CSGALNACT1: variants seen among roughly 807,000 people sequenced by gnomAD.
CSGALNACT1 encodes the protein beta4GalNAcT-1.
CSGALNACT1 carries 52 observed loss-of-function variants against 51.0 expected under a neutral mutation model. That is an observed-to-expected ratio of 1.02 (90% CI 0.82 to 1.29). The LOEUF (loss-of-function observed/expected upper bound fraction) is 1.29, where lower values mean the gene tolerates loss of function less well. CSGALNACT1 is among the 50% of genes most tolerant of loss of function. CSGALNACT1 has a pLI of 0.00. For missense variants in CSGALNACT1, 935 were observed against 679.2 expected, an observed-to-expected ratio of 1.38 and a Z score of -4.19; for synonymous variants, 341 against 254.4, an observed-to-expected ratio of 1.34 and a Z score of -3.24.
At chr8:19,676,083 T>TAAAAAAAAAAAAAAAAAAA (rs1564404826) in intron 1 of CSGALNACT1, among the ~76,000 whole-genome samples, 10 of 59,158 alleles carry the variant, frequency 1.7e-4, no homozygotes, top group African/African-American at 3.7e-4. Flanking sequence ...GTTGTCTGAT[T>TAAAAAAAAAAAAAAAAAAA]TAAAAAACAA....
chr8:19,533,992 T>G (rs2083279693), intron 3 of CSGALNACT1, among the ~76,000 whole-genome samples: 1 of 152,104 alleles, frequency 6.6e-6, no homozygotes, highest in African/African-American at 2.4e-5. Context: ...CCATGCCAAA[T>G]CAATTGTTCT....
chr8:19,426,126 C>G (rs553906298), intron 6 of CSGALNACT1, among the ~76,000 whole-genome samples: 2 of 152,180 alleles, frequency 1.3e-5, no homozygotes, highest in Non-Finnish European at 2.9e-5. Context: ...ACGGCACACA[C>G]GGGGTGACCA....
chr8:19,733,975 C>T (rs1265375534), intron 1 of CSGALNACT1, among the ~76,000 whole-genome samples: 1 of 152,088 alleles, frequency 6.6e-6, no homozygotes, highest in Non-Finnish European at 1.5e-5. Context: ...AGAAGTGTAC[C>T]CAGCTGCTTC....
At chr8:19,496,442 G>C (rs761181981) in intron 4 of CSGALNACT1, among the ~76,000 whole-genome samples, 1 of 152,182 alleles carries the variant, frequency 6.6e-6, no homozygotes. Context: ...TAGGTTGTGA[G>C]GTTGTGGGAA....
At chr8:19,676,919 G>A (rs923589302) in intron 1 of CSGALNACT1, among the ~76,000 whole-genome samples, 3 of 152,158 alleles carry the variant, frequency 2.0e-5, no homozygotes, top group Admixed American at 6.5e-5. Context: ...AGAACTGAGA[G>A]CAACCAACCA....
chr8:19,641,036 T>C (rs1476203177), intron 1 of CSGALNACT1, among the ~76,000 whole-genome samples: 1 of 152,032 alleles, frequency 6.6e-6, no homozygotes, highest in Non-Finnish European at 1.5e-5. Context: ...GATCATTTTG[T>C]AATCCATTTC....
upstream of CSGALNACT1, among the ~76,000 whole-genome samples, chr8:19,607,140 G>C (rs955078903): frequency 6.7e-6 from 1 of 150,048 alleles, no homozygotes; most frequent in Non-Finnish European, 1.5e-5. Context: ...GGGCGACAGA[G>C]CAAGACTCCG....
At chr8:19,596,161 C>T (rs1257308234) in intron 2 of CSGALNACT1, among the ~76,000 whole-genome samples, 1 of 152,090 alleles carries the variant, frequency 6.6e-6, no homozygotes, top group African/African-American at 2.4e-5. Flanking sequence ...AGCCACCGTG[C>T]CCAGCCTCAT....
intron 3 of CSGALNACT1, among the ~76,000 whole-genome samples, chr8:19,523,174 C>G (rs976837929): frequency 6.6e-6 from 1 of 152,124 alleles, no homozygotes; most frequent in Non-Finnish European, 1.5e-5. Context: ...GAAAGAGGGG[C>G]GGGGCACCAC....
At chr8:19,533,252 A>C (rs2083130824) in intron 3 of CSGALNACT1, among the ~76,000 whole-genome samples, 1 of 151,886 alleles carries the variant, frequency 6.6e-6, no homozygotes, top group Non-Finnish European at 1.5e-5. Flanking sequence ...GAGTAGCTAG[A>C]CCTACAGGTA....
At chr8:19,479,552 A>G (rs1690833082) in intron 4 of CSGALNACT1, among the ~76,000 whole-genome samples, 1 of 152,102 alleles carries the variant, frequency 6.6e-6, no homozygotes, top group Non-Finnish European at 1.5e-5. Flanking sequence ...TATGCTTATT[A>G]TGTTTTAACT....
At chr8:19,625,090 C>A (rs186441174) in intron 1 of CSGALNACT1, among the ~76,000 whole-genome samples, 5 of 152,146 alleles carry the variant, frequency 3.3e-5, no homozygotes, top group African/African-American at 1.2e-4. Flanking sequence ...GGAAGGGACA[C>A]GAGTCAGTTC....
At chr8:19,507,214 G>C (rs371666273) in intron 3 of CSGALNACT1, among the ~76,000 whole-genome samples, 17 of 152,190 alleles carry the variant, frequency 1.1e-4, no homozygotes, top group African/African-American at 3.9e-4. Context: ...GAGAAGAAGA[G>C]AGATCAGATT....
chr8:19,728,619 T>A (rs1395904975), intron 1 of CSGALNACT1, among the ~76,000 whole-genome samples: 1 of 152,172 alleles, frequency 6.6e-6, no homozygotes, highest in Admixed American at 6.5e-5. Context: ...CCAGGCCACA[T>A]GTTCATTCCA....
intron 3 of CSGALNACT1, among the ~76,000 whole-genome samples, chr8:19,545,930 T>A (rs2086362147): frequency 6.6e-6 from 1 of 150,768 alleles, no homozygotes; most frequent in South Asian, 2.1e-4. Flanking sequence ...AGCAAAACAA[T>A]GCACAAAAAA....
chr8:19,579,191 T>G (rs1166684208), intron 3 of CSGALNACT1, among the ~76,000 whole-genome samples: 1 of 152,202 alleles, frequency 6.6e-6, no homozygotes, highest in Non-Finnish European at 1.5e-5. Flanking sequence ...ATCCTCAGCA[T>G]GGACTAAAAG....
chr8:19,654,049 G>T (rs2058056742), intron 1 of CSGALNACT1, among the ~76,000 whole-genome samples: 2 of 152,114 alleles, frequency 1.3e-5, no homozygotes, highest in African/African-American at 2.4e-5. Context: ...ATCCTGCAAC[G>T]CCTAAGGTGT....
intron 1 of CSGALNACT1, among the ~76,000 whole-genome samples, chr8:19,732,989 G>A (rs918059389): frequency 1.3e-5 from 2 of 152,102 alleles, no homozygotes; most frequent in Admixed American, 1.3e-4. Context: ...GTGAAAAATG[G>A]AGTACTTATA....
At chr8:19,562,558 C>G (rs368882818) in intron 3 of CSGALNACT1, among the ~76,000 whole-genome samples, 1 of 150,320 alleles carries the variant, frequency 6.7e-6, no homozygotes, top group South Asian at 2.1e-4. Flanking sequence ...ACTTATCCAT[C>G]TGACAAAGGT....
Sources: allele counts gnomAD v4.1 joint callset (sites outside exome capture counted in the v4.1 genomes callset), GRCh38; gene constraint gnomAD v4.1.1; transcripts MANE v1.5; gene names NCBI Gene and HGNC (gene_info 2026-07-23, HGNC 2026-07-21).